The following SLA2 variants were observed in gnomAD, a reference collection of about 807,000 sequenced individuals.
The protein encoded by SLA2 is src-like-adapter 2.
A neutral mutation model predicts 27.3 loss-of-function variants in SLA2; 22 were observed. The ratio of observed to expected loss-of-function variants is 0.81; its 90% CI spans 0.58 to 1.15. SLA2 has a LOEUF of 1.15. Among genes scored for constraint, SLA2 ranks in the 50% most tolerant of loss-of-function variants. The pLI is 0.00. For missense variants in SLA2, 304 were observed against 322.2 expected, an observed-to-expected ratio of 0.94 and a Z score of 0.43; for synonymous variants, 131 against 137.8, an observed-to-expected ratio of 0.95 and a Z score of 0.34.
At chr20:36,629,505 G>A (rs1364497683) in intron 5 of SLA2, among the ~76,000 whole-genome samples, 1 of 150,724 alleles carries the variant, frequency 6.6e-6, no homozygotes, top group Non-Finnish European at 1.5e-5. Flanking sequence ...CCGGTGCAGT[G>A]CCTTACTCCT....
At chr20:36,633,494 G>A (rs757876350) in intron 4 of SLA2, 49 bp downstream of exon 4, 1 of 1,483,962 alleles carries the variant, frequency 6.7e-7, no homozygotes, top group South Asian at 1.1e-5. Context: ...GTTCTTGTGG[G>A]AGGAGAAAGC....
rs144227135 is a variant in SLA2 at position 36,644,279 on chromosome 20, C to T, written c.-44+1558G>A. Among the ~76,000 whole-genome samples the T allele has an allele frequency of 2.4e-4, 36 of 152,208 alleles. No homozygotes were observed. The East Asian group carries it at 7.0e-3, about 29-fold the overall frequency. ...AGACCAGGAAACCCCAGGGAGAGAA[C>T]CTCTGGCTTGGGTAGCATGAGTGCC... On this transcript the variant is annotated intron_variant, in intron 1 of 7. Coordinates refer to ENST00000262866, the MANE Select transcript of SLA2 (RefSeq NM_032214.4).
chr20:36,621,450 G>GTTT, intron 5 of SLA2: 2 of 469,904 alleles, frequency 4.3e-6, no homozygotes, highest in East Asian at 5.4e-5. Flanking sequence ...CTATAGTGTT[G>GTTT]TTTTTTTTTT....
At chr20:36,620,210 G>A (rs1443017558) in intron 5 of SLA2, among the ~76,000 whole-genome samples, 1 of 151,396 alleles carries the variant, frequency 6.6e-6, no homozygotes, top group East Asian at 2.0e-4. Context: ...CTAACATGGT[G>A]AAACCCCATC....
intron 2 of SLA2, among the ~76,000 whole-genome samples, chr20:36,639,210 G>A (rs1004567807): frequency 2.0e-5 from 3 of 152,164 alleles, no homozygotes; most frequent in South Asian, 2.1e-4. Flanking sequence ...GGTGGGCCTC[G>A]TGCAATCAGT....
chr20:36,639,339 A>G (rs988194534), intron 2 of SLA2, among the ~76,000 whole-genome samples: 3 of 152,100 alleles, frequency 2.0e-5, no homozygotes, highest in South Asian at 2.1e-4. Flanking sequence ...TCTGCCCTGC[A>G]GATTTCAGAC....
intron 1 of SLA2, among the ~76,000 whole-genome samples, chr20:36,644,231 T>TG (rs1978285918): frequency 6.6e-6 from 1 of 152,052 alleles, no homozygotes; most frequent in African/African-American, 2.4e-5. Context: ...GCGATCCTCC[T>TG]GGGGAGGATT....
chr20:36,636,777 G>A (rs1301308572), intron 2 of SLA2, among the ~76,000 whole-genome samples: 3 of 150,700 alleles, frequency 2.0e-5, no homozygotes, highest in African/African-American at 2.4e-5. Context: ...GTGAAACCCC[G>A]TCTCTACTAA....
intron 5 of SLA2, among the ~76,000 whole-genome samples, chr20:36,615,803 T>C (rs2039202988): frequency 6.6e-6 from 1 of 152,178 alleles, no homozygotes; most frequent in Admixed American, 6.6e-5. Flanking sequence ...GAGCTGAACA[T>C]GCACGTACCT....
At chr20:36,619,725 G>A (rs2039259590) in intron 5 of SLA2, among the ~76,000 whole-genome samples, 1 of 150,530 alleles carries the variant, frequency 6.6e-6, no homozygotes, top group Admixed American at 6.6e-5. Flanking sequence ...CTGCCTCCTG[G>A]GTTCACGCCA....
chr20:36,642,939 C>G (rs888088337), intron 1 of SLA2, among the ~76,000 whole-genome samples: 1 of 152,144 alleles, frequency 6.6e-6, no homozygotes, highest in Non-Finnish European at 1.5e-5. Flanking sequence ...TCTTGAACTC[C>G]TGGGCTCCAC....
chr20:36,621,124 C>G (rs2039277851), intron 5 of SLA2: 1 of 384,876 alleles, frequency 2.6e-6, no homozygotes, highest in South Asian at 2.2e-5. Flanking sequence ...TGATGGTGAG[C>G]CTGCTTATAG....
intron 2 of SLA2, among the ~76,000 whole-genome samples, chr20:36,636,161 T>C (rs11905737): frequency 0.011 from 1,699 of 149,338 alleles, 60 homozygotes; most frequent in African/African-American, 0.041. Flanking sequence ...CTCACGCCTG[T>C]AATCCCAGCA....
At chr20:36,644,520 C>T (rs1441145802) in intron 1 of SLA2, among the ~76,000 whole-genome samples, 2 of 152,240 alleles carry the variant, frequency 1.3e-5, no homozygotes, top group East Asian at 3.8e-4. Context: ...CTCCTTCCTG[C>T]CGCAGGTGGA....
At chr20:36,621,946 G>A (rs576888005) in intron 5 of SLA2, among the ~76,000 whole-genome samples, 2 of 152,036 alleles carry the variant, frequency 1.3e-5, no homozygotes, top group South Asian at 2.1e-4. Context: ...AGCCTGTGAC[G>A]TTGAGGCTGC....
At position 36,612,383 on chromosome 20, in the gene SLA2, T is replaced by G. The variant is rs1488952605; in HGVS notation, c.*1483A>C. On this transcript the variant is annotated 3_prime_UTR_variant, in exon 8 of 8. Coordinates refer to ENST00000262866, the MANE Select transcript of SLA2 (RefSeq NM_032214.4). ...GATTCAGATGAAACATTAAATTGTC[T>G]TCCTCGATTCTCCATCGGGTGTAGA... The G allele has an allele frequency of 4.4e-6, 3 of 686,270 alleles. No individual in the cohort carries two copies. The highest frequency in any genetic ancestry group is 5.0e-6 in the Non-Finnish European group (2 of 398,292). 42.5% of individuals were successfully genotyped at this position (686,270 alleles called of 1,614,324 possible). A position where few individuals can be genotyped will look rare whatever the true frequency, so the allele number is the denominator to read the frequency against.
In SLA2 at chr20:36,633,767, C is replaced by T. The variant is rs752962347; in HGVS notation, c.192-138G>A. Reference sequence around the variant, plus strand: ...TGCCTGTTTCCCAGGCTTCCCTGCACTAGCCTGTCCAGGTACCTCCTGAGT... The same window carrying T: ...TGCCTGTTTCCCAGGCTTCCCTGCATTAGCCTGTCCAGGTACCTCCTGAGT... On this transcript the variant is annotated intron_variant, in intron 3 of 7. Transcript: ENST00000262866. 7.6e-6 allele frequency: 5 copies of T among 657,334 alleles called. No individual in the cohort carries two copies. The African/African-American group carries it at 9.0e-5, about 12-fold the overall frequency. 40.7% of individuals were successfully genotyped at this position (657,334 alleles called of 1,614,324 possible). A position where few individuals can be genotyped will look rare whatever the true frequency, so the allele number is the denominator to read the frequency against.
In SLA2 at chr20:36,614,396, C is replaced by T. The variant is rs184549394; in HGVS notation, c.574G>A (p.Val192Ile). The T allele has an allele frequency of 1.9e-6, 3 of 1,613,392 alleles. No individual in the cohort carries two copies. In the East Asian group the frequency reaches 6.7e-5, roughly 36 times the overall value. The change falls in exon 7 of 8, where the codon GTC (valine) becomes ATC (isoleucine). Residue 192 changes from valine to isoleucine, a missense_variant. By Grantham distance (29) the Val-to-Ile change is conservative (BLOSUM62 3). Transcript: ENST00000262866. ...DICCLLKEPC[V>I]LQRAGPLPGK... ...GGGAGCGGGCCAGCCCTCTGCAGGA[C>T]ACAGGGCTCCTTGAGTAGGCAGCAG...
chr20:36,645,606 C>T (rs115321248), intron 1 of SLA2, among the ~76,000 whole-genome samples: 7 of 152,144 alleles, frequency 4.6e-5, no homozygotes, highest in Non-Finnish European at 2.9e-5. Context: ...ACAAGCTGCA[C>T]GGAAGAGCGT....
Sources: allele counts gnomAD v4.1 joint callset (sites outside exome capture counted in the v4.1 genomes callset), GRCh38; gene constraint gnomAD v4.1.1; transcripts MANE v1.5; gene names NCBI Gene and HGNC (gene_info 2026-07-23, HGNC 2026-07-21).